GALNT9: variants seen among roughly 807,000 people sequenced by gnomAD.
The protein encoded by GALNT9 is polypeptide N-acetylgalactosaminyltransferase 9.
A neutral mutation model predicts 63.1 loss-of-function variants in GALNT9; 47 were observed. The observed-to-expected ratio is 0.75, with a 90% confidence interval of 0.59 to 0.95. GALNT9 has a LOEUF of 0.95. Ranked by LOEUF, GALNT9 falls within the 40% of genes least tolerant of loss-of-function variation. The pLI is 0.00. For synonymous variants in GALNT9, 396 were observed against 365.7 expected (o/e 1.08, Z -0.94); for missense variants, 829 against 874.8 (o/e 0.95, Z 0.66).
rs983910585 is a variant in GALNT9, at chr12:132,286,516, C to T, written c.239-86G>A. 3.2e-5 allele frequency: 47 copies of T among 1,452,014 alleles called. No homozygotes were observed. The East Asian group carries it at 3.3e-4, about 10-fold the overall frequency. 89.9% of individuals were successfully genotyped at this position (1,452,014 alleles called of 1,614,324 possible). A position where few individuals can be genotyped will look rare whatever the true frequency, so the allele number is the denominator to read the frequency against. On this transcript the variant is annotated intron_variant, in intron 1 of 10. Transcript: ENST00000328957. The surrounding 1 kb of genome is among the most constrained non-coding windows in gnomAD (Gnocchi z 7.4). ...GAGACGCCCCTCCCGCCCCTCTCCC[C>T]GACGGCCGCTTCCCCCGGTACAAGC...
intron 1 of GALNT9, among the ~76,000 whole-genome samples, chr12:132,312,680 G>A (rs901408244): frequency 4.6e-5 from 7 of 152,220 alleles, no homozygotes; most frequent in Admixed American, 6.5e-5. Flanking sequence ...ACCCACACAC[G>A]GAGGATGGGA....
intron 3 of GALNT9, among the ~76,000 whole-genome samples, chr12:132,261,775 G>A (rs1259147016): frequency 6.6e-6 from 1 of 152,262 alleles, no homozygotes; most frequent in Non-Finnish European, 1.5e-5. Flanking sequence ...CACGGCTGCA[G>A]GCTCTCTGCT....
chr12:132,265,242 G>A lies in GALNT9; in HGVS notation c.420-2617C>T, dbSNP rs1347014960. ...TCAGCCCCCAGCCTTGTCCTCCTGC[G>A]CTCCTGCTGGGGATGAGGGAGAGGC... On this transcript the variant is annotated intron_variant, in intron 2 of 10. Transcript: ENST00000328957. The surrounding 1 kb of genome is among the most constrained non-coding windows in gnomAD (Gnocchi z 5.3). Among the ~76,000 whole-genome samples, 1 of 152,142 alleles carries A rather than the reference G, an allele frequency of 6.6e-6. No homozygotes were observed. The highest frequency in any genetic ancestry group is 2.4e-5 in the African/African-American group (1 of 41,440).
intron 1 of GALNT9, among the ~76,000 whole-genome samples, chr12:132,303,567 C>A (rs1881411296): frequency 7.6e-6 from 1 of 131,666 alleles, no homozygotes; most frequent in Non-Finnish European, 1.6e-5. Context: ...CCAGACACAG[C>A]CTCGCCCGGG....
intron 8 of GALNT9, among the ~76,000 whole-genome samples, chr12:132,200,075 G>A (rs1875903446): frequency 6.6e-6 from 1 of 152,176 alleles, no homozygotes; most frequent in Admixed American, 6.5e-5. Context: ...CAGGGAGGCT[G>A]GGGGAGAGGG....
At chr12:132,203,024 G>A (rs1876296120) in intron 7 of GALNT9, among the ~76,000 whole-genome samples, 2 of 152,300 alleles carry the variant, frequency 1.3e-5, no homozygotes, top group South Asian at 2.1e-4. Flanking sequence ...CTCAGCCATG[G>A]TGGGGGTGAC....
chr12:132,287,265 C>T (rs1368493710), intron 1 of GALNT9, among the ~76,000 whole-genome samples: 1 of 152,228 alleles, frequency 6.6e-6, no homozygotes, highest in Non-Finnish European at 1.5e-5. Flanking sequence ...GCCTGCGGGG[C>T]AGAGGATGCG....
chr12:132,257,003 G>A (rs1879146232), intron 5 of GALNT9, among the ~76,000 whole-genome samples: 1 of 152,176 alleles, frequency 6.6e-6, no homozygotes, highest in Non-Finnish European at 1.5e-5. Flanking sequence ...TGGAACGGGG[G>A]GCTTCAGCAG....
At chr12:132,302,968 A>AG (rs1230212346) in intron 1 of GALNT9, among the ~76,000 whole-genome samples, 9 of 63,452 alleles carry the variant, frequency 1.4e-4, no homozygotes, top group Non-Finnish European at 1.9e-4. Context: ...TGACCGTCTA[A>AG]GGGGGGCGAG....
chr12:132,321,565 A>C (rs1868797168), intron 1 of GALNT9, among the ~76,000 whole-genome samples: 1 of 151,910 alleles, frequency 6.6e-6, no homozygotes, highest in South Asian at 2.1e-4. Context: ...CTAGCACCTC[A>C]CCATCTCCCT....
At chr12:132,271,821 T>G (rs1555240755) in intron 2 of GALNT9, among the ~76,000 whole-genome samples, 1 of 151,938 alleles carries the variant, frequency 6.6e-6, no homozygotes, top group Non-Finnish European at 1.5e-5. Flanking sequence ...CTCCCACGCG[T>G]GGGAGGCCGT....
intron 1 of GALNT9, among the ~76,000 whole-genome samples, chr12:132,297,983 AAACT>A (rs1251421783): frequency 6.6e-6 from 1 of 151,232 alleles, no homozygotes; most frequent in Non-Finnish European, 1.5e-5. Context: ...ACATCCAAGA[AAACT>A]CACTCACTCC....
chr12:132,277,568 C>G (rs1383846651), intron 2 of GALNT9: 2 of 152,578 alleles, frequency 1.3e-5, no homozygotes, highest in African/African-American at 4.8e-5. Flanking sequence ...TTCGTGCTGC[C>G]CCAGGGCCCA....
intron 1 of GALNT9, among the ~76,000 whole-genome samples, chr12:132,322,183 C>T (rs566671291): frequency 2.0e-5 from 3 of 152,220 alleles, no homozygotes; most frequent in African/African-American, 7.2e-5. Context: ...CCGTTCAACC[C>T]GTAACCATCC....
intron 1 of GALNT9, among the ~76,000 whole-genome samples, chr12:132,297,506 A>G (rs1881118906): frequency 6.6e-6 from 1 of 151,518 alleles, no homozygotes; most frequent in Non-Finnish European, 1.5e-5. Context: ...GTCTCTCCCA[A>G]GATGACCAAG....
At chr12:132,204,081 AACAATCTGTTT>A (rs1341086310) in intron 6 of GALNT9, among the ~76,000 whole-genome samples, 2 of 144,092 alleles carry the variant, frequency 1.4e-5, no homozygotes, top group East Asian at 2.1e-4. Context: ...CGAACACACC[AACAATCTGTTT>A]ACAAACAGCT....
intron 1 of GALNT9, among the ~76,000 whole-genome samples, chr12:132,322,631 C>T (rs955907538): frequency 3.3e-5 from 5 of 152,290 alleles, no homozygotes; most frequent in South Asian, 2.1e-4. Flanking sequence ...ACTTCCAGAA[C>T]GTAGGAAGCA....
chr12:132,249,249 G>A (rs1385644689), intron 5 of GALNT9, among the ~76,000 whole-genome samples: 12 of 152,220 alleles, frequency 7.9e-5, no homozygotes, highest in African/African-American at 2.4e-4. Flanking sequence ...AAAGCCTCAC[G>A]CTATCCCCAG....
intron 8 of GALNT9, 43 bp downstream of exon 8, chr12:132,201,081 G>T: frequency 6.3e-7 from 1 of 1,595,746 alleles, no homozygotes; most frequent in South Asian, 1.1e-5. Flanking sequence ...AGTCAGGGCA[G>T]AAAGCCTGTC....
Sources: gnomAD v4.1 joint callset for allele counts (sites outside exome capture counted in the v4.1 genomes callset) on GRCh38, gnomAD v4.1.1 for gene constraint, Gnocchi (gnomAD v3.1) non-coding constraint, MANE v1.5 for transcripts, NCBI Gene and HGNC (gene_info 2026-07-23, HGNC 2026-07-21) for gene names.